Variants in ZNF624 observed in about 807,000 individuals in gnomAD.
ZNF624 encodes zinc finger protein 624.
ZNF624 carries 43 observed loss-of-function variants against 74.7 expected under a neutral mutation model. That is an observed-to-expected ratio of 0.58 (90% CI 0.45 to 0.74). The LOEUF (loss-of-function observed/expected upper bound fraction) is 0.74, where lower values mean the gene tolerates loss of function less well. Among genes scored for constraint, ZNF624 ranks in the 30% least tolerant of loss-of-function variants. The pLI is 0.00. For missense variants in ZNF624, 820 were observed against 1,030.0 expected, an observed-to-expected ratio of 0.80 and a Z score of 2.79; for synonymous variants, 331 against 341.3, an observed-to-expected ratio of 0.97 and a Z score of 0.33.
At chr17:16,635,483 A>C (rs543706758) in intron 3 of ZNF624, among the ~76,000 whole-genome samples, 2 of 149,826 alleles carry the variant, frequency 1.3e-5, no homozygotes, top group African/African-American at 4.9e-5. Flanking sequence ...ATAAAAAATT[A>C]AAAAAAAAAT....
At chr17:16,640,929 A>G (rs1305389308) in intron 3 of ZNF624, among the ~76,000 whole-genome samples, 1 of 152,228 alleles carries the variant, frequency 6.6e-6, no homozygotes, top group Non-Finnish European at 1.5e-5. Flanking sequence ...CCTTATGAAT[A>G]TGGACACAAA....
rs147071321 is a variant in ZNF624 at position 16,640,636 on chromosome 17, C to T, written c.154-5880G>A. Among the ~76,000 whole-genome samples, 9 of 152,060 alleles carry T rather than the reference C, an allele frequency of 5.9e-5. No individual in the cohort carries two copies. The East Asian group carries it at 1.7e-3, about 29-fold the overall frequency. On this transcript the variant is annotated intron_variant, in intron 3 of 5. Coordinates refer to ENST00000311331, the MANE Select transcript of ZNF624 (RefSeq NM_020787.4). ...AAGGAACACTATGAACCATGGTATG[C>T]GAACTTAGATGAAATGGACAAATTC...
At position 16,622,930 on chromosome 17, in the gene ZNF624, T is replaced by C. The variant is rs756759505; in HGVS notation, c.1956A>G (p.Lys652=). 4.3e-6 allele frequency: 7 copies of C among 1,614,058 alleles called. No individual in the cohort carries two copies. Among genetic ancestry groups the C allele is most frequent in the Non-Finnish European group, 5.1e-6 (6 of 1,179,960 alleles). The change falls in exon 6 of 6, where the codon AAA becomes AAG. Residue 652 remains lysine (K), a synonymous_variant. Coordinates refer to ENST00000311331, the MANE Select transcript of ZNF624 (RefSeq NM_020787.4). ...TCCTCTGATGTACAATAAGGTATGATTTAGTCCTAAAGGACTTTCCACAGT... is the reference window on the plus strand; with the variant it reads ...TCCTCTGATGTACAATAAGGTATGACTTAGTCCTAAAGGACTTTCCACAGT... The part of the protein sequence containing the change: ...CYDCGKSFRT[K]SYLIVHQRTH...
In ZNF624 at chr17:16,624,179, T is replaced by C. The variant is rs1302368748; in HGVS notation, c.707A>G (p.Asn236Ser). ...TQEENFTENLNLITDTHLGKI... is the reference protein window; with the variant it reads ...TQEENFTENLSLITDTHLGKI... The stretch of plus-strand genomic sequence containing the variant: ...CCCCAAATGGGTATCTGTAATCAAA[T>C]TTAAATTCTCTGTGAAATTTTCCTC... Residue 236 changes from asparagine (N) to serine (S), a missense_variant, in exon 6 of 6, where the codon AAT (asparagine) becomes AGT (serine). By Grantham distance (46) the Asn-to-Ser change is conservative. Transcript: ENST00000311331. 2.5e-6 allele frequency: 4 copies of C among 1,614,166 alleles called. No homozygotes were observed. Among genetic ancestry groups the C allele is most frequent in the Non-Finnish European group, 3.4e-6 (4 of 1,180,032 alleles).
intron 3 of ZNF624, 128 bp from the exon 4 acceptor site, chr17:16,634,884 T>A (rs1349775371): frequency 1.0e-5 from 8 of 765,280 alleles, no homozygotes; most frequent in Non-Finnish European, 1.2e-5. Context: ...GTCAACCAGT[T>A]CATCCTTTAT....
chr17:16,648,299 G>A (rs571661543), intron 2 of ZNF624, among the ~76,000 whole-genome samples: 1 of 152,214 alleles, frequency 6.6e-6, no homozygotes, highest in East Asian at 1.9e-4. Context: ...TCTAGTTGTA[G>A]TTATCCATTT....
chr17:16,629,567 TTAC>T (rs1909158253), intron 5 of ZNF624, among the ~76,000 whole-genome samples: 3 of 151,232 alleles, frequency 2.0e-5, no homozygotes, highest in Non-Finnish European at 4.4e-5. Flanking sequence ...ATTTATTTAC[TTAC>T]TTACTTACTT....
intron 5 of ZNF624, among the ~76,000 whole-genome samples, chr17:16,633,477 G>A (rs1909251420): frequency 6.6e-6 from 1 of 152,152 alleles, no homozygotes; most frequent in Non-Finnish European, 1.5e-5. Flanking sequence ...AATCAGTGGG[G>A]ACCCTTATGG....
chr17:16,644,101 CTCTT>C (rs1909531508), intron 3 of ZNF624, among the ~76,000 whole-genome samples: 1 of 152,204 alleles, frequency 6.6e-6, no homozygotes, highest in Non-Finnish European at 1.5e-5. Context: ...CACACTGTCT[CTCTT>C]TCCTTTTCAC....
intron 5 of ZNF624, among the ~76,000 whole-genome samples, chr17:16,633,303 T>C (rs1909247692): frequency 6.6e-6 from 1 of 152,234 alleles, no homozygotes; most frequent in African/African-American, 2.4e-5. Flanking sequence ...ATGTATAATA[T>C]TGATTAAATA....
rs1346050373 is a variant in ZNF624, at chr17:16,623,304, A to G, written c.1582T>C (p.Tyr528His). 3 of 1,613,846 alleles carry G rather than the reference A, an allele frequency of 1.9e-6. No individual in the cohort carries two copies. Among genetic ancestry groups the G allele is most frequent in the Non-Finnish European group, 2.5e-6 (3 of 1,179,878 alleles). ...HQRIHTGEKP[Y>H]KCNECGKAFI... ...GCTTTCCCACATTCATTACATTTAT[A>G]GGGTTTTTCTCCTGTGTGAATTCGC... Residue 528 changes from tyrosine to histidine, a missense_variant, in exon 6 of 6, where the codon TAT becomes CAT. Physicochemically the swap from Tyr to His is moderately conservative, Grantham distance 83. Transcript: ENST00000311331. The surrounding 1 kb of genome is among the most constrained non-coding windows in gnomAD (Gnocchi z 5.3).
intron 5 of ZNF624, among the ~76,000 whole-genome samples, chr17:16,632,979 G>A (rs1909240825): frequency 6.6e-6 from 1 of 152,100 alleles, no homozygotes; most frequent in Admixed American, 6.5e-5. Context: ...CCCTTAGCCT[G>A]GAATACTTCT....
At position 16,622,089 on chromosome 17, in the gene ZNF624, GTTCA is replaced by G. The variant is rs1051962897; in HGVS notation, c.*195_*198del. 4 of 397,880 alleles carry G rather than the reference GTTCA, an allele frequency of 1.0e-5. No homozygotes were observed. The highest frequency in any genetic ancestry group is 4.0e-5 in the Admixed American group (1 of 25,072). The allele number at this position is 397,880 out of a possible 1,614,324, so 24.6% of individuals were successfully genotyped here. A position where few individuals can be genotyped will look rare whatever the true frequency, so the allele number is the denominator to read the frequency against. Reference sequence around the variant, plus strand: ...GAAATCTGGATGAACACTTTCATTTGTTCATTATTTTCCTCTAGTGAGAGTTTCC... The same window carrying G: ...GAAATCTGGATGAACACTTTCATTTGTTATTTTCCTCTAGTGAGAGTTTCC... On this transcript the variant is annotated 3_prime_UTR_variant, in exon 6 of 6. Transcript: ENST00000311331.
chr17:16,652,143 C>G (rs950566804), intron 1 of ZNF624, among the ~76,000 whole-genome samples: 6 of 152,080 alleles, frequency 3.9e-5, no homozygotes, highest in African/African-American at 1.4e-4. Context: ...ACCAGTAAAT[C>G]TTAATTTTTG....
At position 16,623,628 on chromosome 17, in the gene ZNF624, C is replaced by T; in HGVS notation, c.1258G>A (p.Asp420Asn). ...HNGEKPYKCD[D>N]CGKAFRNKSY... The stretch of plus-strand genomic sequence containing the variant: ...TTGTTCCTAAAGGCTTTCCCACAAT[C>T]ATCACATTTGTAGGGTTTCTCACCA... The change falls in exon 6 of 6, where the codon GAT (aspartate) becomes AAT (asparagine). Residue 420 changes from aspartate to asparagine, a missense_variant. Coordinates refer to ENST00000311331, the MANE Select transcript of ZNF624 (RefSeq NM_020787.4). This position sits in a 1 kb window ranked among gnomAD's most constrained non-coding sequence, Gnocchi z 5.3. 2.5e-6 allele frequency: 4 copies of T among 1,610,946 alleles called. No individual in the cohort carries two copies. The highest frequency in any genetic ancestry group is 1.7e-4 in the Middle Eastern group (1 of 6,022).
downstream of ZNF624, chr17:16,616,811 T>A: frequency 1.1e-6 from 1 of 947,376 alleles, no homozygotes; most frequent in East Asian, 2.5e-5. Context: ...CAGGAAAGTG[T>A]TCCATAATAG....
chr17:16,635,339 C>T (rs774772962), intron 3 of ZNF624, among the ~76,000 whole-genome samples: 2 of 152,032 alleles, frequency 1.3e-5, no homozygotes, highest in Non-Finnish European at 2.9e-5. Context: ...AATGGAAGAA[C>T]AGGCCATAAA....
In ZNF624 at chr17:16,622,814, G is replaced by A; in HGVS notation, c.2072C>T (p.Thr691Ile). ...ATTGCATTTATAGGGCTTCTCTCCAGTATGCCTTCGTTGGTGCACGGTAAG... is the reference window on the plus strand; with the variant it reads ...ATTGCATTTATAGGGCTTCTCTCCAATATGCCTTCGTTGGTGCACGGTAAG... ...SQLTVHQRRH[T>I]GEKPYKCNEC... Residue 691 changes from threonine (T) to isoleucine (I), a missense_variant, in exon 6 of 6, where the codon ACT becomes ATT. By Grantham distance (89) the Thr-to-Ile change is moderately conservative. Transcript: ENST00000311331. 1.2e-6 allele frequency: 2 copies of A among 1,613,946 alleles called. No individual in the cohort carries two copies. Among genetic ancestry groups the A allele is most frequent in the Non-Finnish European group, 1.7e-6 (2 of 1,179,984 alleles).
At chr17:16,645,592 A>C (rs2142646670) in intron 3 of ZNF624, among the ~76,000 whole-genome samples, 1 of 151,656 alleles carries the variant, frequency 6.6e-6, no homozygotes, top group Admixed American at 6.6e-5. Flanking sequence ...AAAATAAAAG[A>C]CATTTAGCAC....
Sources: gnomAD v4.1 joint callset for allele counts (sites outside exome capture counted in the v4.1 genomes callset) on GRCh38, gnomAD v4.1.1 for gene constraint, Gnocchi (gnomAD v3.1) non-coding constraint, MANE v1.5 for transcripts, NCBI Gene and HGNC (gene_info 2026-07-23, HGNC 2026-07-21) for gene names.